Variants in MTRES1 observed in about 807,000 individuals in gnomAD.
MTRES1 encodes uncharacterized protein C6orf203.
In MTRES1, 11 loss-of-function variants were observed where a neutral mutation model predicts 17.4. That is an observed-to-expected ratio of 0.63 (90% confidence interval 0.40 to 1.05). The LOEUF (loss-of-function observed/expected upper bound fraction) is 1.05. MTRES1 is among the 50% of genes least tolerant of loss of function. The probability of loss-of-function intolerance (pLI) is 0.00; values close to 1 mark genes in which losing one functional copy is unlikely to be tolerated. For missense variants in MTRES1, 268 were observed against 276.2 expected (o/e 0.97, Z 0.21); for synonymous variants, 94 against 99.6 (o/e 0.94, Z 0.34).
chr6:107,030,275 G>A (rs1223646907), intron 1 of MTRES1, among the ~76,000 whole-genome samples: 1 of 152,170 alleles, frequency 6.6e-6, no homozygotes, highest in Non-Finnish European at 1.5e-5. Flanking sequence ...CTTTGGTAGG[G>A]ATTTGAGGAA....
rs115804233 is a variant in MTRES1 at position 107,044,474 on chromosome 6, G to A, written c.543+142G>A. ...GTGGTCCTCCACGTCAAGCTGGTGG[G>A]AATCAGCTACAGGCTTCAGACACAC... On this transcript the variant is annotated intron_variant, in intron 3 of 3. Coordinates refer to ENST00000311381, the MANE Select transcript of MTRES1 (RefSeq NM_016487.5). 274 of 669,030 alleles carry A rather than the reference G, an allele frequency of 4.1e-4. 1 individual carries two copies. The African/African-American group carries it at 4.5e-3, about 11-fold the overall frequency. 41.4% of individuals were successfully genotyped at this position (669,030 alleles called of 1,614,324 possible). A position where few individuals can be genotyped will look rare whatever the true frequency, so the allele number is the denominator to read the frequency against.
At chr6:107,038,920 G>A (rs1202534360) in intron 1 of MTRES1, among the ~76,000 whole-genome samples, 2 of 152,010 alleles carry the variant, frequency 1.3e-5, no homozygotes, top group African/African-American at 4.8e-5. Context: ...TGGACGTGGT[G>A]GTGCATGCCT....
intron 3 of MTRES1, among the ~76,000 whole-genome samples, chr6:107,050,551 C>CTTTT (rs142268482): frequency 4.2e-4 from 34 of 81,474 alleles, no homozygotes; most frequent in Middle Eastern, 0.01. Flanking sequence ...CTCTCCCTTT[C>CTTTT]TTTTTTTTTT....
At chr6:107,030,100 G>C (rs1554226250) in intron 1 of MTRES1, 4 of 718,120 alleles carry the variant, frequency 5.6e-6, no homozygotes, top group Non-Finnish European at 7.8e-6. Flanking sequence ...ATTAGTGCTT[G>C]GCACATGGTA....
intron 3 of MTRES1, among the ~76,000 whole-genome samples, chr6:107,046,853 T>C (rs1774406144): frequency 6.6e-6 from 1 of 152,102 alleles, no homozygotes; most frequent in Non-Finnish European, 1.5e-5. Flanking sequence ...CCTAAACTCA[T>C]CTCTTCCTGG....
At chr6:107,041,856 C>T (rs2114960480) in intron 2 of MTRES1, among the ~76,000 whole-genome samples, 1 of 152,206 alleles carries the variant, frequency 6.6e-6, no homozygotes, top group Admixed American at 6.6e-5. Flanking sequence ...GATTCCCTCT[C>T]TGCTAGATTA....
chr6:107,037,692 G>T lies in MTRES1; in HGVS notation c.-12-2057G>T, dbSNP rs534315009. On this transcript the variant is annotated intron_variant, in intron 1 of 3. Coordinates refer to ENST00000311381, the MANE Select transcript of MTRES1 (RefSeq NM_016487.5). Reference sequence around the variant, plus strand: ...CAGGTAGTTTCTAGTCATTATTTTAGAGTACTCTGGATTATATAGCATTTT... The same window carrying T: ...CAGGTAGTTTCTAGTCATTATTTTATAGTACTCTGGATTATATAGCATTTT... Among the ~76,000 whole-genome samples, 64 of 152,130 alleles carry T rather than the reference G, an allele frequency of 4.2e-4. 1 individual carries two copies. The South Asian group carries it at 7.1e-3, about 17-fold the overall frequency.
Position 107,051,511 on chromosome 6 carries a change from T to A in MTRES1, c.*275T>A, listed in dbSNP as rs1414477448. 6.6e-6 allele frequency among the ~76,000 whole-genome samples: 1 copy of A among 152,048 alleles called. No homozygotes were observed. The highest frequency in any genetic ancestry group is 2.4e-5 in the African/African-American group (1 of 41,406). ...CAGAATGAACTAAGCCCCAGAGGGT[T>A]TTAATGGCTTGCCTGCTGTTTCCCA... is the stretch of plus-strand genomic sequence containing the variant. On this transcript the variant is annotated 3_prime_UTR_variant, in exon 4 of 4. Transcript: ENST00000311381.
At chr6:107,050,688 TGCCACA>T (rs1774570622) in intron 3 of MTRES1, among the ~76,000 whole-genome samples, 1 of 150,706 alleles carries the variant, frequency 6.6e-6, no homozygotes. Context: ...GCGATTCTCC[TGCCACA>T]GCCTTCCGAG....
At chr6:107,045,998 C>G (rs1030973378) in intron 3 of MTRES1, among the ~76,000 whole-genome samples, 3 of 152,286 alleles carry the variant, frequency 2.0e-5, no homozygotes, top group East Asian at 3.9e-4. Flanking sequence ...TGGGATCATG[C>G]AGGTTCTTGT....
At chr6:107,050,929 T>C (rs1332370778) in intron 3 of MTRES1, 128 bp from the exon 4 acceptor site, 1 of 746,910 alleles carries the variant, frequency 1.3e-6, no homozygotes, top group Non-Finnish European at 2.3e-6. Context: ...GTGACTAAGG[T>C]CAGGGCCTTT....
chr6:107,050,797 G>A (rs1178594040), intron 3 of MTRES1, among the ~76,000 whole-genome samples: 3 of 151,916 alleles, frequency 2.0e-5, no homozygotes, highest in East Asian at 1.9e-4. Flanking sequence ...GGCTGGTCTC[G>A]AACTCCTGAC....
chr6:107,046,970 G>T (rs1424552741), intron 3 of MTRES1, among the ~76,000 whole-genome samples: 2 of 121,160 alleles, frequency 1.7e-5, no homozygotes, highest in African/African-American at 3.0e-5. Context: ...GTGTGTGTGT[G>T]TGTGTGTATT....
Position 107,039,806 on chromosome 6 carries a change from C to T in MTRES1, c.46C>T (p.Pro16Ser), listed in dbSNP as rs782591213. Residue 16 changes from proline to serine, a missense_variant, in exon 2 of 4, where the codon CCA becomes TCA. Pro to Ser is a moderately conservative substitution (Grantham distance 74, BLOSUM62 -1). Coordinates refer to ENST00000311381, the MANE Select transcript of MTRES1 (RefSeq NM_016487.5). ...ATTGCTTGCCGGTGTTTTAAGAAAG[C>T]CAGATGCCTGGATTGGACTCTGGGG... ...VKLLAGVLRK[P>S]DAWIGLWGVL... is the part of the protein sequence containing the mutation. 6.2e-7 allele frequency: 1 copy of T among 1,611,928 alleles called. No homozygotes were observed. The highest frequency in any genetic ancestry group is 8.5e-7 in the Non-Finnish European group (1 of 1,179,520).
At position 107,051,201 on chromosome 6, in the gene MTRES1, A is replaced by G. The variant is rs782071029; in HGVS notation, c.688A>G (p.Ser230Gly). ...CAGAGTGGTGTTACGGCGGTGGAAA[A>G]GTTTAAAGTTGCCTAAGAAGAGAAT... ...KYRVVLRRWK[S>G]LKLPKKRMSK Residue 230 changes from serine to glycine, a missense_variant, in exon 4 of 4, where the codon AGT becomes GGT. By Grantham distance (56) the Ser-to-Gly change is moderately conservative. Coordinates refer to ENST00000311381, the MANE Select transcript of MTRES1 (RefSeq NM_016487.5). The G allele has an allele frequency of 3.7e-6, 6 of 1,613,942 alleles. No individual in the cohort carries two copies. The highest frequency in any genetic ancestry group is 1.7e-4 in the Middle Eastern group (1 of 6,060).
intron 2 of MTRES1, among the ~76,000 whole-genome samples, chr6:107,043,175 C>CA (rs1219764784): frequency 1.7e-4 from 25 of 150,878 alleles, no homozygotes; most frequent in Non-Finnish European, 2.4e-4. Context: ...ACTAAAAATA[C>CA]AAAAAAAAAT....
intron 1 of MTRES1, among the ~76,000 whole-genome samples, chr6:107,036,802 A>G (rs1554226986): frequency 6.6e-6 from 1 of 150,902 alleles, no homozygotes; most frequent in African/African-American, 2.4e-5. Context: ...GTGAGCTGAG[A>G]TCGCGCCACT....
intron 2 of MTRES1, among the ~76,000 whole-genome samples, chr6:107,041,495 T>C (rs542964947): frequency 1.1e-4 from 16 of 152,270 alleles, no homozygotes; most frequent in African/African-American, 3.6e-4. Context: ...TGTTCATATA[T>C]AATAGAGGTA....
At chr6:107,033,662 C>A (rs957859825) in intron 1 of MTRES1, among the ~76,000 whole-genome samples, 4 of 151,988 alleles carry the variant, frequency 2.6e-5, no homozygotes, top group Admixed American at 1.3e-4. Flanking sequence ...ACCAAAGATA[C>A]AAAAAATTAG....
Sources: gnomAD v4.1 joint callset for allele counts (sites outside exome capture counted in the v4.1 genomes callset) on GRCh38, gnomAD v4.1.1 for gene constraint, MANE v1.5 for transcripts, NCBI Gene and HGNC (gene_info 2026-07-23, HGNC 2026-07-21) for gene names.